Variants in FGF12 observed in about 807,000 individuals in gnomAD.
The protein encoded by FGF12 is fibroblast growth factor 12.
A neutral mutation model predicts 23.6 loss-of-function variants in FGF12; 14 were observed. The observed-to-expected ratio is 0.59, with a 90% CI of 0.39 to 0.93. FGF12 has a LOEUF of 0.93. Ranked by LOEUF, FGF12 falls within the 40% of genes least tolerant of loss-of-function variation. The pLI, the probability that FGF12 is intolerant of heterozygous loss-of-function variation, is 0.00. For synonymous variants in FGF12, 62 were observed against 77.3 expected (o/e 0.80, Z 1.04); for missense variants, 175 against 217.8 (o/e 0.80, Z 1.24).
intron 4 of FGF12, among the ~76,000 whole-genome samples, chr3:192,235,093 A>G (rs1466726493): frequency 2.0e-5 from 3 of 151,886 alleles, no homozygotes; most frequent in Non-Finnish European, 4.4e-5. Flanking sequence ...CCTTTATTTT[A>G]TGGTATAATG....
intron 4 of FGF12, among the ~76,000 whole-genome samples, chr3:192,171,897 C>CTCTTTCTCCCTCTCTCTCTCTCTCTCTCT (rs752797056): frequency 6.6e-6 from 1 of 151,646 alleles, no homozygotes; most frequent in Non-Finnish European, 1.5e-5. Flanking sequence ...TCTTTCTCTC[C>CTCTTTCTCCCTCTCTCTCTCTCTCTCTCT]CTCTCTCCTT....
intron 2 of FGF12, among the ~76,000 whole-genome samples, chr3:192,612,860 T>C (rs1714599451): frequency 6.6e-6 from 1 of 151,968 alleles, no homozygotes; most frequent in Non-Finnish European, 1.5e-5. Flanking sequence ...CCAAGAAACA[T>C]GCTCCTTGCC....
At chr3:192,305,446 T>C (rs74329169) in intron 4 of FGF12, among the ~76,000 whole-genome samples, 6,809 of 151,928 alleles carry the variant, frequency 0.045, 252 homozygotes, top group South Asian at 0.17. Context: ...CTCCCACTCC[T>C]TCTCTGCCTC....
intron 2 of FGF12, among the ~76,000 whole-genome samples, chr3:192,589,165 T>C (rs1441208585): frequency 1.3e-5 from 2 of 151,618 alleles, no homozygotes; most frequent in Non-Finnish European, 2.9e-5. Flanking sequence ...TGAAACCCCA[T>C]CTCTACTAAA....
chr3:192,214,780 T>A (rs906589804), intron 4 of FGF12, among the ~76,000 whole-genome samples: 1 of 152,358 alleles, frequency 6.6e-6, no homozygotes, highest in East Asian at 1.9e-4. Flanking sequence ...AGCACACACA[T>A]CTTTGATCAC....
rs142092373 is a variant in FGF12 at position 192,638,794 on chromosome 3, G to A, written c.13+88387C>T. Among the ~76,000 whole-genome samples the A allele has an allele frequency of 3.3e-5, 5 of 152,270 alleles. No homozygotes were observed. In the East Asian group the frequency reaches 5.8e-4, roughly 18 times the overall value. ...GAGTATTGGATGGGAAAAATCCCAC[G>A]GATCAGATTCACTAGGCTGTGCAGT... On this transcript the variant is annotated intron_variant, in intron 2 of 5. Transcript: ENST00000445105.
rs188154618 is a variant in FGF12, at chr3:192,170,178, G to C, written c.427+280C>G. Among the ~76,000 whole-genome samples, 227 of 144,996 alleles carry C rather than the reference G, an allele frequency of 1.6e-3. 2 individuals carry two copies. The highest frequency in any genetic ancestry group is 5.7e-3 in the African/African-American group (221 of 38,598). On this transcript the variant is annotated intron_variant, in intron 5 of 5. Coordinates refer to ENST00000445105, the MANE Select transcript of FGF12 (RefSeq NM_004113.6). ...TAGGAAAAGATTCCCAGCTACTACG[G>C]AGGCTGAGGCAGGAGAATTGCTCGA...
intron 2 of FGF12, among the ~76,000 whole-genome samples, chr3:192,575,090 C>A (rs939384642): frequency 1.3e-5 from 2 of 152,116 alleles, no homozygotes; most frequent in African/African-American, 4.8e-5. Context: ...ATATAACATG[C>A]TTTAAAATCT....
intron 2 of FGF12, among the ~76,000 whole-genome samples, chr3:192,711,256 C>T (rs1408992308): frequency 2.9e-5 from 4 of 136,044 alleles, no homozygotes; most frequent in African/African-American, 3.3e-5. Context: ...CCAGCCCCTG[C>T]CCGGCCAGCC....
At chr3:192,356,253 T>A (rs1560083122) in intron 3 of FGF12, among the ~76,000 whole-genome samples, 1 of 152,200 alleles carries the variant, frequency 6.6e-6, no homozygotes, top group Non-Finnish European at 1.5e-5. Flanking sequence ...GGACAGCATC[T>A]GCTTCAGTAT....
Position 192,322,503 on chromosome 3 carries a change from G to GAC in FGF12, c.228+12856_228+12857dup, listed in dbSNP as rs3071843. 1.9e-3 allele frequency among the ~76,000 whole-genome samples: 287 copies of GAC among 149,292 alleles called. 1 individual carries two copies. The highest frequency in any genetic ancestry group is 5.3e-3 in the East Asian group (27 of 5,082). Reference sequence around the variant, plus strand: ...TATAATTTATATTAAACCACACGCAGACACACACACACACACACACCCCAG... The same window carrying GAC: ...TATAATTTATATTAAACCACACGCAGACACACACACACACACACACACCCCAG... On this transcript the variant is annotated intron_variant, in intron 4 of 5. Transcript: ENST00000445105.
chr3:192,659,999 T>A (rs985648468), intron 2 of FGF12, among the ~76,000 whole-genome samples: 5 of 151,964 alleles, frequency 3.3e-5, no homozygotes, highest in Non-Finnish European at 5.9e-5. Context: ...TGGGTATATA[T>A]CCATTACTGG....
At chr3:192,578,130 T>G (rs927877946) in intron 2 of FGF12, among the ~76,000 whole-genome samples, 1 of 152,226 alleles carries the variant, frequency 6.6e-6, no homozygotes, top group African/African-American at 2.4e-5. Flanking sequence ...GTCTGAAAGA[T>G]AATTTCAAAC....
intron 2 of FGF12, among the ~76,000 whole-genome samples, chr3:192,698,245 T>C (rs1039319321): frequency 4.6e-5 from 7 of 152,334 alleles, no homozygotes; most frequent in Admixed American, 4.6e-4. Flanking sequence ...TCAGATAATG[T>C]GCATGCTCAT....
At chr3:192,365,949 G>C (rs147572385) in intron 2 of FGF12, among the ~76,000 whole-genome samples, 1 of 144,930 alleles carries the variant, frequency 6.9e-6, no homozygotes. Flanking sequence ...GGAAAGGATC[G>C]ACACTTTACT....
At chr3:192,693,819 C>G (rs372430187) in intron 2 of FGF12, among the ~76,000 whole-genome samples, 3 of 152,100 alleles carry the variant, frequency 2.0e-5, no homozygotes, top group African/African-American at 4.8e-5. Context: ...AAAAGACTTA[C>G]TAATATTTTC....
intron 2 of FGF12, among the ~76,000 whole-genome samples, chr3:192,703,792 G>A (rs184526548): frequency 3.9e-5 from 6 of 152,292 alleles, no homozygotes; most frequent in African/African-American, 1.2e-4. Flanking sequence ...TATAGTGAGA[G>A]AGTTCTCAGG....
chr3:192,528,959 G>A (rs1725020433), intron 2 of FGF12, among the ~76,000 whole-genome samples: 1 of 152,112 alleles, frequency 6.6e-6, no homozygotes, highest in African/African-American at 2.4e-5. Context: ...GGCCTGAGAT[G>A]GGAAGGGGTG....
At chr3:192,546,538 C>T (rs1173557501) in intron 2 of FGF12, among the ~76,000 whole-genome samples, 1 of 150,766 alleles carries the variant, frequency 6.6e-6, no homozygotes, top group African/African-American at 2.4e-5. Flanking sequence ...ACCAAAACCA[C>T]AACTGGAGAA....
Sources: allele counts gnomAD v4.1 joint callset (sites outside exome capture counted in the v4.1 genomes callset), GRCh38; gene constraint gnomAD v4.1.1; transcripts MANE v1.5; gene names NCBI Gene and HGNC (gene_info 2026-07-23, HGNC 2026-07-21).